The following STXBP5 variants were observed in gnomAD, a reference collection of about 807,000 sequenced individuals.
The protein encoded by STXBP5 is syntaxin-binding protein 5.
STXBP5 carries 50 observed loss-of-function variants against 152.4 expected under a neutral mutation model. The observed-to-expected ratio is 0.33, with a 90% CI of 0.26 to 0.42. The LOEUF (loss-of-function observed/expected upper bound fraction) is 0.42, where lower values mean the gene tolerates loss of function less well. Ranked by LOEUF, STXBP5 falls within the 10% of genes least tolerant of loss-of-function variation. STXBP5 has a pLI of 1.00. For missense variants in STXBP5, 1,167 were observed against 1,388.6 expected, an observed-to-expected ratio of 0.84 and a Z score of 2.54; for synonymous variants, 492 against 494.7, an observed-to-expected ratio of 0.99 and a Z score of 0.07.
chr6:147,237,779 T>C (rs947417306), intron 3 of STXBP5, among the ~76,000 whole-genome samples: 3 of 152,194 alleles, frequency 2.0e-5, no homozygotes, highest in Admixed American at 2.0e-4. Context: ...TTTTAATTCT[T>C]CTGAGTAGAT....
chr6:147,323,757 T>C (rs896331661), intron 16 of STXBP5, among the ~76,000 whole-genome samples: 1 of 152,198 alleles, frequency 6.6e-6, no homozygotes, highest in Admixed American at 6.5e-5. Flanking sequence ...CAAAGTACTT[T>C]TCATAGGCAG....
At chr6:147,279,685 A>T (rs1364914449) in intron 8 of STXBP5, among the ~76,000 whole-genome samples, 1 of 152,132 alleles carries the variant, frequency 6.6e-6, no homozygotes, top group Non-Finnish European at 1.5e-5. Flanking sequence ...CATCTAGAGG[A>T]TATTTCTTAT....
chr6:147,350,475 A>G (rs1453803324), intron 21 of STXBP5, among the ~76,000 whole-genome samples: 3 of 152,154 alleles, frequency 2.0e-5, no homozygotes, highest in Non-Finnish European at 4.4e-5. Flanking sequence ...TTTAACGTTT[A>G]ATGTATTCAG....
chr6:147,225,259 A>G (rs1047896326), intron 2 of STXBP5, among the ~76,000 whole-genome samples: 2 of 152,152 alleles, frequency 1.3e-5, no homozygotes, highest in African/African-American at 2.4e-5. Flanking sequence ...AATTAAACAT[A>G]TACTATTATA....
chr6:147,262,339 A>G lies in STXBP5; in HGVS notation c.616A>G (p.Met206Val), dbSNP rs752633926. 7.7e-6 allele frequency: 12 copies of G among 1,565,800 alleles called. No individual in the cohort carries two copies. The highest frequency in any genetic ancestry group is 2.0e-5 in the Admixed American group (1 of 50,888). The change falls in exon 6 of 28, where the codon ATG becomes GTG. Residue 206 changes from methionine (M) to valine (V), a missense_variant. By Grantham distance (21) the Met-to-Val change is conservative. This residue lies in a region of STXBP5 where 310 missense variants were observed against 346.1 expected (regional missense o/e 0.90). Coordinates refer to ENST00000321680, the MANE Select transcript of STXBP5 (RefSeq NM_001127715.4). The part of the protein sequence containing the change: ...GPVVHISDNP[M>V]DEGKLLIGFE... ...TGTGGTCCATATAAGTGATAATCCA[A>G]TGGACGAGGGAAAGGTAGAATTTTT...
chr6:147,326,048 G>A (rs1391934764), intron 17 of STXBP5, among the ~76,000 whole-genome samples: 1 of 152,122 alleles, frequency 6.6e-6, no homozygotes, highest in Non-Finnish European at 1.5e-5. Context: ...TTGTATTGAG[G>A]ACTTGAACAT....
At chr6:147,307,192 A>G (rs1014816029) in intron 9 of STXBP5, among the ~76,000 whole-genome samples, 1 of 152,214 alleles carries the variant, frequency 6.6e-6, no homozygotes, top group African/African-American at 2.4e-5. Flanking sequence ...TTTCTTAAAA[A>G]ATCTAATCAA....
chr6:147,288,188 C>T (rs375566018), intron 8 of STXBP5, among the ~76,000 whole-genome samples: 1 of 152,144 alleles, frequency 6.6e-6, no homozygotes, highest in Admixed American at 6.5e-5. Context: ...TCTGGAATGC[C>T]CTGGGGGTAG....
intron 4 of STXBP5, among the ~76,000 whole-genome samples, chr6:147,243,019 C>CT (rs980493635): frequency 8.2e-4 from 124 of 152,072 alleles, no homozygotes; most frequent in African/African-American, 2.1e-3. Context: ...TTGGTTTTTG[C>CT]TTTTTTTGGC....
At chr6:147,211,009 T>C (rs1473300591) in intron 2 of STXBP5, among the ~76,000 whole-genome samples, 2 of 152,162 alleles carry the variant, frequency 1.3e-5, no homozygotes, top group Non-Finnish European at 2.9e-5. Flanking sequence ...TCTTTGAGTT[T>C]GTTTTTAAAA....
intron 19 of STXBP5, among the ~76,000 whole-genome samples, chr6:147,335,783 A>G: frequency 6.6e-6 from 1 of 152,140 alleles, no homozygotes; most frequent in Non-Finnish European, 1.5e-5. Flanking sequence ...CCTGGGCGAC[A>G]GCGAGACTAC....
At chr6:147,347,198 A>G (rs1422361849) in intron 21 of STXBP5, among the ~76,000 whole-genome samples, 2 of 152,228 alleles carry the variant, frequency 1.3e-5, no homozygotes, top group Non-Finnish European at 1.5e-5. Context: ...TTAGAAAAAG[A>G]AGGGCAAATT....
At chr6:147,217,593 T>G (rs1171052524) in intron 2 of STXBP5, among the ~76,000 whole-genome samples, 1 of 152,232 alleles carries the variant, frequency 6.6e-6, no homozygotes, top group African/African-American at 2.4e-5. Flanking sequence ...ATATTAAGAA[T>G]GATTGTTTTC....
At chr6:147,275,976 C>T (rs762855606) in intron 7 of STXBP5, among the ~76,000 whole-genome samples, 1 of 152,170 alleles carries the variant, frequency 6.6e-6, no homozygotes, top group Non-Finnish European at 1.5e-5. Flanking sequence ...CATTATATCT[C>T]ATATCTTCTC....
intron 2 of STXBP5, among the ~76,000 whole-genome samples, chr6:147,209,967 G>T (rs1304158740): frequency 6.6e-6 from 1 of 152,194 alleles, no homozygotes; most frequent in Admixed American, 6.5e-5. Flanking sequence ...TGAGGTATCT[G>T]CATGATATTC....
intron 4 of STXBP5, among the ~76,000 whole-genome samples, chr6:147,248,386 A>G (rs540746345): frequency 1.3e-5 from 2 of 152,174 alleles, no homozygotes; most frequent in Non-Finnish European, 2.9e-5. Context: ...ATGCAAATGT[A>G]TATTACAATA....
chr6:147,275,419 A>C (rs1780388045), intron 7 of STXBP5, among the ~76,000 whole-genome samples: 1 of 150,886 alleles, frequency 6.6e-6, no homozygotes, highest in Admixed American at 6.6e-5. Context: ...CTTGTCCTCC[A>C]TGGCTTTTGT....
At chr6:147,271,459 A>G (rs1456527842) in intron 7 of STXBP5, among the ~76,000 whole-genome samples, 2 of 152,142 alleles carry the variant, frequency 1.3e-5, no homozygotes, top group Non-Finnish European at 2.9e-5. Context: ...ACTCATATAA[A>G]ATGTTATTTT....
At chr6:147,340,440 G>T (rs573744308) in intron 21 of STXBP5, among the ~76,000 whole-genome samples, 1 of 152,062 alleles carries the variant, frequency 6.6e-6, no homozygotes, top group Admixed American at 6.5e-5. Context: ...CTTTGTATTT[G>T]TGGGGTTTTA....
Sources: allele counts gnomAD v4.1 joint callset (sites outside exome capture counted in the v4.1 genomes callset), GRCh38; gene constraint gnomAD v4.1.1; regional missense constraint gnomAD v4.1.1; transcripts MANE v1.5; gene names NCBI Gene and HGNC (gene_info 2026-07-23, HGNC 2026-07-21).